PPFIBP1: variants seen among roughly 807,000 people sequenced by gnomAD.
The protein encoded by PPFIBP1 is liprin-beta-1.
Under a neutral mutation model 137.8 loss-of-function variants are expected in PPFIBP1, and 112 were observed. The ratio of observed to expected loss-of-function variants is 0.81; its 90% confidence interval spans 0.70 to 0.95. The LOEUF is 0.95. Among genes scored for constraint, PPFIBP1 ranks in the 40% least tolerant of loss-of-function variants. The probability of loss-of-function intolerance (pLI) is 0.00; values close to 1 mark genes in which losing one functional copy is unlikely to be tolerated. For missense variants in PPFIBP1, 1,083 were observed against 1,196.6 expected (o/e 0.91, Z 1.40); for synonymous variants, 378 against 417.3 (o/e 0.91, Z 1.15).
intron 2 of PPFIBP1, among the ~76,000 whole-genome samples, chr12:27,604,413 A>G (rs2054298748): frequency 6.6e-6 from 1 of 152,172 alleles, no homozygotes; most frequent in Non-Finnish European, 1.5e-5. Context: ...GTGGGGTGAG[A>G]TGAGGGTTGG....
chr12:27,569,609 G>A (rs2049971615), intron 1 of PPFIBP1, among the ~76,000 whole-genome samples: 1 of 152,284 alleles, frequency 6.6e-6, no homozygotes, highest in South Asian at 2.1e-4. Context: ...AGGCTGGAGT[G>A]CAATGGTACA....
chr12:27,616,413 G>A (rs2055761782), intron 2 of PPFIBP1, among the ~76,000 whole-genome samples: 1 of 151,444 alleles, frequency 6.6e-6, no homozygotes, highest in South Asian at 2.1e-4. Flanking sequence ...TGGGGGTGAT[G>A]TTCAGGTGGC....
At chr12:27,525,499 T>A (rs1338911088) in intron 1 of PPFIBP1, among the ~76,000 whole-genome samples, 1 of 138,806 alleles carries the variant, frequency 7.2e-6, no homozygotes, top group Non-Finnish European at 1.5e-5. Context: ...AAGGCTCTCT[T>A]TTGGAGCAGG....
At chr12:27,586,109 C>T (rs1212732288) in intron 2 of PPFIBP1, among the ~76,000 whole-genome samples, 1 of 152,190 alleles carries the variant, frequency 6.6e-6, no homozygotes, top group African/African-American at 2.4e-5. Context: ...ATTCTTACCA[C>T]AGCCCTTTGA....
chr12:27,598,495 G>T (rs1186422996), intron 2 of PPFIBP1, among the ~76,000 whole-genome samples: 6 of 151,794 alleles, frequency 4.0e-5, no homozygotes, highest in Admixed American at 3.9e-4. Context: ...TTGAGATTTG[G>T]GTGAGGACAT....
chr12:27,681,547 G>C lies in PPFIBP1; in HGVS notation c.1897G>C (p.Asp633His). The C allele has an allele frequency of 1.2e-6, 2 of 1,613,912 alleles. No homozygotes were observed. The highest frequency in any genetic ancestry group is 1.7e-6 in the Non-Finnish European group (2 of 1,179,842). ...WSRDLGQSNS[D>H]LDMPFAKWTK... is the part of the protein sequence containing the mutation. ...ATGCAATTACTCATTTTCCTGTAGTGACTTGGATATGCCATTTGCCAAGTG... is the reference window on the plus strand; with the variant it reads ...ATGCAATTACTCATTTTCCTGTAGTCACTTGGATATGCCATTTGCCAAGTG... The change falls in exon 22 of 30, where the codon GAC becomes CAC. Residue 633 changes from aspartate to histidine, a missense_variant and splice_region_variant. Asp to His is a moderately conservative substitution (Grantham distance 81). Transcript: ENST00000228425.
In PPFIBP1 at chr12:27,558,256, G is replaced by GTTTTT. The variant is rs11434356; in HGVS notation, c.-123-19890_-123-19886dup. 5.0e-4 allele frequency among the ~76,000 whole-genome samples: 70 copies of GTTTTT among 139,370 alleles called. 1 individual carries two copies. Among genetic ancestry groups the GTTTTT allele is most frequent in the Admixed American group, 3.1e-3 (42 of 13,700 alleles). 91.4% of individuals were successfully genotyped at this position (139,370 alleles called of 152,430 possible). Reference sequence around the variant, plus strand: ...TTTCTTTTCCCTAAAGACCTTCTGGGTTTTTTTTTTGTTTTGTTTTGTTTT... The same window carrying GTTTTT: ...TTTCTTTTCCCTAAAGACCTTCTGGGTTTTTTTTTTTTTTTGTTTTGTTTTGTTTT... On this transcript the variant is annotated intron_variant, in intron 1 of 29. Coordinates refer to ENST00000228425, the MANE Select transcript of PPFIBP1 (RefSeq NM_003622.4).
Position 27,671,536 on chromosome 12 carries a change from T to C in PPFIBP1, c.1252T>C (p.Phe418Leu), listed in dbSNP as rs1432462707. 1.9e-6 allele frequency: 3 copies of C among 1,567,602 alleles called. No homozygotes were observed. The highest frequency in any genetic ancestry group is 8.7e-7 in the Non-Finnish European group (1 of 1,154,100). ...GTTGACTCCTAAGCCAGAGACTTCATTTGAAGAAAAGTATGTCATTTATTA... is the reference window on the plus strand; with the variant it reads ...GTTGACTCCTAAGCCAGAGACTTCACTTGAAGAAAAGTATGTCATTTATTA... Reference protein sequence around the residue: ...SKLTPKPETSFEENDGNIILG... With the variant: ...SKLTPKPETSLEENDGNIILG... Residue 418 changes from phenylalanine (F) to leucine (L), a missense_variant, in exon 14 of 30, where the codon TTT (phenylalanine) becomes CTT (leucine). Physicochemically the swap from Phe to Leu is conservative, Grantham distance 22. Coordinates refer to ENST00000228425, the MANE Select transcript of PPFIBP1 (RefSeq NM_003622.4).
chr12:27,545,037 T>C lies in PPFIBP1; in HGVS notation c.-124+20672T>C, dbSNP rs569836064. The stretch of plus-strand genomic sequence containing the variant: ...AAGAAAATGTGGCACATACACAACA[T>C]GGAATACTATGCAGCCATAAAAAAG... On this transcript the variant is annotated intron_variant, in intron 1 of 29. Transcript: ENST00000228425. 2.0e-5 allele frequency among the ~76,000 whole-genome samples: 3 copies of C among 152,266 alleles called. No individual in the cohort carries two copies. In the East Asian group the frequency reaches 5.8e-4, roughly 29 times the overall value.
At chr12:27,613,702 CAAAAA>C in intron 2 of PPFIBP1, among the ~76,000 whole-genome samples, 1 of 107,816 alleles carries the variant, frequency 9.3e-6, no homozygotes, top group African/African-American at 3.5e-5. Flanking sequence ...GACTCCATCT[CAAAAA>C]AAAAAAAAAA....
intron 25 of PPFIBP1, among the ~76,000 whole-genome samples, chr12:27,687,741 A>AT (rs199713835): frequency 4.0e-5 from 6 of 150,924 alleles, no homozygotes; most frequent in African/African-American, 4.9e-5. Flanking sequence ...TCTTGGGTGT[A>AT]TTTTTTTTTC....
intron 2 of PPFIBP1, chr12:27,599,246 C>T (rs944702053): frequency 9.3e-5 from 20 of 215,712 alleles, no homozygotes; most frequent in South Asian, 2.8e-4. Flanking sequence ...AGCAGATTGC[C>T]CTTCCCAGTG....
chr12:27,613,811 C>T (rs1394850277), intron 2 of PPFIBP1, among the ~76,000 whole-genome samples: 1 of 152,034 alleles, frequency 6.6e-6, no homozygotes, highest in Non-Finnish European at 1.5e-5. Context: ...AGCTAGCTCT[C>T]CAGCACGAGG....
At chr12:27,528,316 A>G (rs1234528217) in intron 1 of PPFIBP1, among the ~76,000 whole-genome samples, 1 of 152,206 alleles carries the variant, frequency 6.6e-6, no homozygotes, top group Non-Finnish European at 1.5e-5. Flanking sequence ...GTTCAACCAA[A>G]GGTGGATAAC....
chr12:27,573,563 T>C (rs747854014), intron 1 of PPFIBP1, among the ~76,000 whole-genome samples: 1 of 151,974 alleles, frequency 6.6e-6, no homozygotes, highest in Non-Finnish European at 1.5e-5. Context: ...AGACCAAACA[T>C]GGAAGGAGAT....
intron 1 of PPFIBP1, among the ~76,000 whole-genome samples, chr12:27,532,135 C>T (rs184158716): frequency 6.6e-6 from 1 of 152,170 alleles, no homozygotes; most frequent in African/African-American, 2.4e-5. Flanking sequence ...TCATTAAGCA[C>T]GTGTTAAGCA....
At chr12:27,669,626 G>T (rs890701519) in intron 13 of PPFIBP1, among the ~76,000 whole-genome samples, 1 of 152,152 alleles carries the variant, frequency 6.6e-6, no homozygotes, top group Non-Finnish European at 1.5e-5. Context: ...CCATGATTAG[G>T]AATCTCAAGA....
intron 2 of PPFIBP1, among the ~76,000 whole-genome samples, chr12:27,597,415 A>G (rs1438021758): frequency 1.3e-5 from 2 of 152,102 alleles, no homozygotes; most frequent in African/African-American, 4.8e-5. Context: ...CGGCTCCCCA[A>G]AGTGTTGGGA....
At chr12:27,569,398 G>T (rs959024258) in intron 1 of PPFIBP1, among the ~76,000 whole-genome samples, 1 of 152,136 alleles carries the variant, frequency 6.6e-6, no homozygotes, top group Non-Finnish European at 1.5e-5. Context: ...TACATAAATA[G>T]TTGGATGGCT....
Sources: gnomAD v4.1 joint callset for allele counts (sites outside exome capture counted in the v4.1 genomes callset) on GRCh38, gnomAD v4.1.1 for gene constraint, MANE v1.5 for transcripts, NCBI Gene and HGNC (gene_info 2026-07-23, HGNC 2026-07-21) for gene names.